Variants in C8orf34 observed in about 807,000 individuals in gnomAD.
The protein encoded by C8orf34 is uncharacterized protein C8orf34.
Under a neutral mutation model 68.3 loss-of-function variants are expected in C8orf34, and 65 were observed. The ratio of observed to expected loss-of-function variants is 0.95; its 90% confidence interval spans 0.78 to 1.17. The LOEUF (loss-of-function observed/expected upper bound fraction) is 1.17, where lower values mean the gene tolerates loss of function less well. Ranked by LOEUF, C8orf34 falls within the 50% of genes most tolerant of loss-of-function variation. The pLI is 0.00. For synonymous variants in C8orf34, 244 were observed against 241.2 expected (o/e 1.01, Z -0.11); for missense variants, 664 against 655.4 (o/e 1.01, Z -0.14).
At chr8:68,643,234 A>G (rs1819065494) in intron 8 of C8orf34, among the ~76,000 whole-genome samples, 1 of 152,300 alleles carries the variant, frequency 6.6e-6, no homozygotes, top group East Asian at 1.9e-4. Context: ...AAAGCTTTCC[A>G]TCATTAATTC....
chr8:68,402,894 A>G (rs1809019438), intron 1 of C8orf34, among the ~76,000 whole-genome samples: 1 of 152,178 alleles, frequency 6.6e-6, no homozygotes, highest in African/African-American at 2.4e-5. Context: ...ACAATGGCCA[A>G]TGAATATGAT....
intron 3 of C8orf34, among the ~76,000 whole-genome samples, chr8:68,468,303 T>A (rs1812233619): frequency 6.6e-6 from 1 of 152,112 alleles, no homozygotes; most frequent in African/African-American, 2.4e-5. Flanking sequence ...ATATTTAGCC[T>A]TCTATGAATG....
chr8:68,717,468 G>A (rs1401021983), intron 9 of C8orf34, among the ~76,000 whole-genome samples: 1 of 149,894 alleles, frequency 6.7e-6, no homozygotes, highest in Non-Finnish European at 1.5e-5. Context: ...CCTACAGCCT[G>A]GGCGACAGAG....
chr8:68,818,396 G>C lies in C8orf34; in HGVS notation c.*150G>C, dbSNP rs1025668248. On this transcript the variant is annotated 3_prime_UTR_variant, in exon 14 of 14. Coordinates refer to ENST00000518698, the MANE Select transcript of C8orf34 (RefSeq NM_052958.4). ...ATAAACAAGTACTATCGTAGCCAGG[G>C]GGTGCCCAAGTATGTAATCAGAGAA... 1.3e-5 allele frequency: 11 copies of C among 850,986 alleles called. No individual in the cohort carries two copies. Among genetic ancestry groups the C allele is most frequent in the Non-Finnish European group, 2.0e-5 (11 of 540,778 alleles). The allele number at this position is 850,986 out of a possible 1,614,324, so 52.7% of individuals were successfully genotyped here.
intron 1 of C8orf34, among the ~76,000 whole-genome samples, chr8:68,343,600 T>G (rs1205696095): frequency 6.6e-6 from 1 of 150,944 alleles, no homozygotes; most frequent in Non-Finnish European, 1.5e-5. Context: ...CTAATTTTTT[T>G]TTTTTTTTTT....
At chr8:68,742,784 A>G (rs1822341995) in intron 10 of C8orf34, among the ~76,000 whole-genome samples, 1 of 152,238 alleles carries the variant, frequency 6.6e-6, no homozygotes, top group East Asian at 1.9e-4. Context: ...TGCAAAAGTG[A>G]AAATATATTT....
chr8:68,672,560 C>T (rs767666691), intron 8 of C8orf34, among the ~76,000 whole-genome samples: 18 of 152,124 alleles, frequency 1.2e-4, no homozygotes, highest in Non-Finnish European at 2.2e-4. Flanking sequence ...TGCCCACAGA[C>T]GGAGCATTTA....
At chr8:68,706,241 G>A (rs549636909) in intron 8 of C8orf34, among the ~76,000 whole-genome samples, 2 of 152,328 alleles carry the variant, frequency 1.3e-5, no homozygotes, top group South Asian at 2.1e-4. Flanking sequence ...GCCTTCGCAG[G>A]AGTGACAGAG....
At chr8:68,459,777 A>T (rs1370694715) in intron 3 of C8orf34, among the ~76,000 whole-genome samples, 1 of 152,184 alleles carries the variant, frequency 6.6e-6, no homozygotes, top group African/African-American at 2.4e-5. Flanking sequence ...TCAGCAGATA[A>T]ATGGATAATA....
intron 8 of C8orf34, among the ~76,000 whole-genome samples, chr8:68,692,897 T>C (rs1400361731): frequency 6.6e-6 from 1 of 152,052 alleles, no homozygotes; most frequent in Non-Finnish European, 1.5e-5. Flanking sequence ...AATTTTTACT[T>C]AGACTATAAA....
At chr8:68,790,539 A>C (rs1482233608) in intron 12 of C8orf34, among the ~76,000 whole-genome samples, 1 of 152,244 alleles carries the variant, frequency 6.6e-6, no homozygotes, top group East Asian at 1.9e-4. Flanking sequence ...AAATTTTTAT[A>C]AATCAGCACC....
intron 1 of C8orf34, among the ~76,000 whole-genome samples, chr8:68,346,752 T>A (rs891745357): frequency 3.3e-5 from 5 of 152,126 alleles, no homozygotes; most frequent in African/African-American, 1.2e-4. Context: ...TTAAGGTTCC[T>A]CCATGTCTTT....
intron 3 of C8orf34, among the ~76,000 whole-genome samples, chr8:68,455,864 T>G (rs1218460671): frequency 1.3e-5 from 2 of 151,920 alleles, no homozygotes; most frequent in African/African-American, 4.8e-5. Flanking sequence ...GTTCATATGT[T>G]TTAAAGAAAA....
At chr8:68,525,562 T>C in intron 6 of C8orf34, 1 of 912,286 alleles carries the variant, frequency 1.1e-6, no homozygotes, top group Non-Finnish European at 1.8e-6. Flanking sequence ...GTCTTCGTCT[T>C]ACTTCTTTGT....
At chr8:68,495,365 T>C (rs1334072633) in intron 5 of C8orf34, among the ~76,000 whole-genome samples, 1 of 152,094 alleles carries the variant, frequency 6.6e-6, no homozygotes, top group African/African-American at 2.4e-5. Context: ...TATGCCATTT[T>C]ATCTTAATAA....
chr8:68,580,497 C>T (rs1324750758), intron 7 of C8orf34, among the ~76,000 whole-genome samples: 1 of 152,062 alleles, frequency 6.6e-6, no homozygotes, highest in Non-Finnish European at 1.5e-5. Flanking sequence ...GCTCTCAGTA[C>T]AATGATAACA....
chr8:68,398,050 T>A (rs1355831716), intron 1 of C8orf34, among the ~76,000 whole-genome samples: 1 of 152,182 alleles, frequency 6.6e-6, no homozygotes, highest in African/African-American at 2.4e-5. Context: ...ATTACAAGCG[T>A]GAGCCACTGC....
intron 12 of C8orf34, among the ~76,000 whole-genome samples, chr8:68,790,188 C>G (rs1384820585): frequency 6.6e-6 from 1 of 152,148 alleles, no homozygotes; most frequent in African/African-American, 2.4e-5. Flanking sequence ...TACTTTCAGT[C>G]AACGCATGTG....
chr8:68,785,880 A>G (rs1823831178), intron 11 of C8orf34, among the ~76,000 whole-genome samples: 2 of 152,086 alleles, frequency 1.3e-5, no homozygotes, highest in African/African-American at 4.8e-5. Context: ...CTGTTTTGAA[A>G]CTCTAGATTG....
Sources: gnomAD v4.1 joint callset for allele counts (sites outside exome capture counted in the v4.1 genomes callset) on GRCh38, gnomAD v4.1.1 for gene constraint, MANE v1.5 for transcripts, NCBI Gene and HGNC (gene_info 2026-07-23, HGNC 2026-07-21) for gene names.